The following CNTN6 variants were observed in gnomAD, a reference collection of about 807,000 sequenced individuals.
CNTN6 encodes contactin 6, also known as contactin-6.
A neutral mutation model predicts 122.8 loss-of-function variants in CNTN6; 137 were observed. The observed-to-expected ratio is 1.12, with a 90% CI of 0.97 to 1.29. The LOEUF is 1.29. Ranked by LOEUF, CNTN6 falls within the 50% of genes most tolerant of loss-of-function variation. The pLI, the probability that CNTN6 is intolerant of heterozygous loss-of-function variation, is 0.00. For synonymous variants in CNTN6, 570 were observed against 426.0 expected (o/e 1.34, Z -4.16); for missense variants, 1,634 against 1,223.4 (o/e 1.34, Z -5.01).
intron 4 of CNTN6, among the ~76,000 whole-genome samples, chr3:1,238,546 C>T (rs934237141): frequency 2.7e-4 from 41 of 152,060 alleles, no homozygotes; most frequent in African/African-American, 8.9e-4. Context: ...GACAGAAAGT[C>T]AACAAAGAAA....
intron 7 of CNTN6, among the ~76,000 whole-genome samples, chr3:1,299,723 A>G (rs1257680951): frequency 4.6e-5 from 7 of 152,164 alleles, no homozygotes; most frequent in Non-Finnish European, 8.8e-5. Flanking sequence ...CTTCTAAGTA[A>G]ATAGTAAGAG....
chr3:1,150,630 G>A (rs1410833379), intron 2 of CNTN6, among the ~76,000 whole-genome samples: 1 of 152,070 alleles, frequency 6.6e-6, no homozygotes, highest in Non-Finnish European at 1.5e-5. Context: ...AGAAAATGAA[G>A]GCCCATTTAA....
intron 7 of CNTN6, among the ~76,000 whole-genome samples, chr3:1,317,279 C>G (rs1171430955): frequency 6.6e-6 from 1 of 151,620 alleles, no homozygotes; most frequent in African/African-American, 2.4e-5. Context: ...AGAGCACACA[C>G]TATAATAGCC....
At chr3:1,182,136 AT>A (rs1395918860) in intron 2 of CNTN6, among the ~76,000 whole-genome samples, 1 of 152,050 alleles carries the variant, frequency 6.6e-6, no homozygotes, top group Non-Finnish European at 1.5e-5. Flanking sequence ...TTTCTTAACT[AT>A]TTTCAGCTAC....
intron 1 of CNTN6, among the ~76,000 whole-genome samples, chr3:1,124,487 G>A (rs893243593): frequency 4.0e-5 from 6 of 151,610 alleles, no homozygotes; most frequent in East Asian, 3.9e-4. Context: ...TTTCTAATCC[G>A]AACATCCTGT....
intron 2 of CNTN6, among the ~76,000 whole-genome samples, chr3:1,156,061 G>A (rs751195964): frequency 2.6e-5 from 4 of 152,186 alleles, no homozygotes; most frequent in Non-Finnish European, 5.9e-5. Context: ...CCTGTGTCAT[G>A]AGCCATGCCT....
rs1214747234 is a variant in CNTN6 at position 1,389,019 on chromosome 3, T to C, written c.2704+3222T>C. Among the ~76,000 whole-genome samples, 3 of 145,702 alleles carry C rather than the reference T, an allele frequency of 2.1e-5. No homozygotes were observed. In the East Asian group the frequency reaches 6.0e-4, roughly 29 times the overall value. On this transcript the variant is annotated intron_variant, in intron 20 of 22. Coordinates refer to ENST00000446702, the MANE Select transcript of CNTN6 (RefSeq NM_001289080.2). Reference sequence around the variant, plus strand: ...ATATTATCCAGGAGAACTTCCCCAATCTAGCAAGGCAGGCCAACATTCAGA... The same window carrying C: ...ATATTATCCAGGAGAACTTCCCCAACCTAGCAAGGCAGGCCAACATTCAGA...
At chr3:1,123,807 TGTTA>T (rs1459749078) in intron 1 of CNTN6, among the ~76,000 whole-genome samples, 3 of 152,022 alleles carry the variant, frequency 2.0e-5, no homozygotes, top group Non-Finnish European at 4.4e-5. Context: ...TTGAGTATGA[TGTTA>T]GTTGCAGGTT....
chr3:1,324,495 C>T (rs1240915479), intron 8 of CNTN6, among the ~76,000 whole-genome samples: 9 of 149,594 alleles, frequency 6.0e-5, no homozygotes, highest in Admixed American at 4.6e-4. Context: ...TTGGCTCCTT[C>T]GTGAGCCTAC....
intron 2 of CNTN6, among the ~76,000 whole-genome samples, chr3:1,158,891 CATAT>C (rs1158443754): frequency 1.3e-5 from 1 of 74,394 alleles, no homozygotes; most frequent in Non-Finnish European, 2.9e-5. Flanking sequence ...TATATACACA[CATAT>C]ATATACACAT....
At chr3:1,226,657 C>G (rs536519891) in intron 3 of CNTN6, among the ~76,000 whole-genome samples, 1 of 152,252 alleles carries the variant, frequency 6.6e-6, no homozygotes, top group East Asian at 1.9e-4. Flanking sequence ...GCAGGACTGT[C>G]TACTCTTCAT....
intron 1 of CNTN6, among the ~76,000 whole-genome samples, chr3:1,117,360 G>GT (rs11454923): frequency 0.05 from 7,671 of 152,156 alleles, 658 homozygotes; most frequent in African/African-American, 0.17. Context: ...AGTAAGTCCT[G>GT]TTCAGGGAAC....
chr3:1,310,818 A>T (rs1479937915), intron 7 of CNTN6, among the ~76,000 whole-genome samples: 1 of 152,110 alleles, frequency 6.6e-6, no homozygotes, highest in Non-Finnish European at 1.5e-5. Context: ...CCTGCCCAAT[A>T]TGGAGAAACC....
chr3:1,289,546 A>G (rs1299271667), intron 5 of CNTN6, among the ~76,000 whole-genome samples: 1 of 152,222 alleles, frequency 6.6e-6, no homozygotes, highest in Non-Finnish European at 1.5e-5. Context: ...CCTTTTCTCC[A>G]GACTCCAACA....
intron 1 of CNTN6, among the ~76,000 whole-genome samples, chr3:1,145,270 G>A (rs1281464173): frequency 1.3e-5 from 2 of 152,104 alleles, no homozygotes; most frequent in African/African-American, 4.8e-5. Context: ...TCCTGGCTTC[G>A]ACTGCCATTG....
intron 4 of CNTN6, among the ~76,000 whole-genome samples, chr3:1,258,836 A>G (rs1190211490): frequency 6.6e-6 from 1 of 152,088 alleles, no homozygotes; most frequent in Non-Finnish European, 1.5e-5. Flanking sequence ...TGTGTCATAG[A>G]TTAGCCAAGC....
At chr3:1,215,463 T>C (rs1463109058) in intron 2 of CNTN6, among the ~76,000 whole-genome samples, 1 of 152,230 alleles carries the variant, frequency 6.6e-6, no homozygotes, top group African/African-American at 2.4e-5. Flanking sequence ...ATTTGTTATT[T>C]ATTGATGTTG....
intron 11 of CNTN6, among the ~76,000 whole-genome samples, chr3:1,345,119 CTT>C (rs34433982): frequency 4.0e-4 from 57 of 143,166 alleles, no homozygotes; most frequent in Admixed American, 6.3e-4. Context: ...TGTACAATTA[CTT>C]TTTTTTTTTT....
intron 1 of CNTN6, among the ~76,000 whole-genome samples, chr3:1,118,419 C>T (rs538890705): frequency 7.2e-5 from 11 of 152,216 alleles, no homozygotes; most frequent in African/African-American, 2.6e-4. Context: ...AGCCTAAAGT[C>T]CTGGTTTCAT....
Sources: allele counts gnomAD v4.1 joint callset (sites outside exome capture counted in the v4.1 genomes callset), GRCh38; gene constraint gnomAD v4.1.1; transcripts MANE v1.5; gene names NCBI Gene and HGNC (gene_info 2026-07-23, HGNC 2026-07-21).